The following URM1 variants were observed in gnomAD, a reference collection of about 807,000 sequenced individuals.
URM1 encodes the protein ubiquitin related modifier 1, also known as ubiquitin-related modifier 1.
A neutral mutation model predicts 17.7 loss-of-function variants in URM1; 11 were observed. That is an observed-to-expected ratio of 0.62 (90% CI 0.39 to 1.03). The LOEUF (loss-of-function observed/expected upper bound fraction) is 1.03, where lower values mean the gene tolerates loss of function less well. Among genes scored for constraint, URM1 ranks in the 50% least tolerant of loss-of-function variants. The pLI is 0.00. For missense variants in URM1, 128 were observed against 129.2 expected (o/e 0.99, Z 0.04); for synonymous variants, 48 against 50.6 (o/e 0.95, Z 0.22).
chr9:128,371,403 A>T lies in URM1; in HGVS notation c.23A>T (p.Glu8Val). 1 of 1,612,600 alleles carries T rather than the reference A, an allele frequency of 6.2e-7. No homozygotes were observed. Among genetic ancestry groups the T allele is most frequent in the African/African-American group, 1.3e-5 (1 of 74,892 alleles). ...AACATGGCTGCGCCCTTGTCAGTGG[A>T]GGTGGAGTTCGGGTGAGTCACAGAG... MAAPLSV[E>V]VEFGGGAELL... Residue 8 changes from glutamate (E) to valine (V), a missense_variant, in exon 1 of 5, where the codon GAG becomes GTG. By Grantham distance (121) the Glu-to-Val change is moderately radical (BLOSUM62 -2). Transcript: ENST00000372853.
At chr9:128,374,486 G>A (rs997531808) in intron 1 of URM1, among the ~76,000 whole-genome samples, 40 of 138,374 alleles carry the variant, frequency 2.9e-4, no homozygotes, top group African/African-American at 1.1e-3. Context: ...AGGAGAAAAC[G>A]AGGCTCTTGG....
chr9:128,378,222 C>G lies in URM1; in HGVS notation c.106+116C>G, dbSNP rs1588580330. 1.4e-5 allele frequency: 10 copies of G among 706,170 alleles called. No individual in the cohort carries two copies. In the Middle Eastern group the frequency reaches 1.0e-3, roughly 71 times the overall value. 43.7% of individuals were successfully genotyped at this position (706,170 alleles called of 1,614,324 possible). On this transcript the variant is annotated intron_variant, in intron 2 of 4. Transcript: ENST00000372853. ...TGCATCCGTGTGCTAAGCTGCCTCT[C>G]TAGCAGGCAGAGGAATAAAAACAAG...
At chr9:128,386,696 C>G (rs1833231912) in intron 2 of URM1, among the ~76,000 whole-genome samples, 1 of 152,248 alleles carries the variant, frequency 6.6e-6, no homozygotes, top group African/African-American at 2.4e-5. Flanking sequence ...TCCTAGCCAC[C>G]TTTCCCTTGC....
At chr9:128,379,905 G>A (rs982491016) in intron 2 of URM1, among the ~76,000 whole-genome samples, 2 of 152,122 alleles carry the variant, frequency 1.3e-5, no homozygotes, top group Non-Finnish European at 2.9e-5. Context: ...CTGAGCCCAG[G>A]AGTTTGAGAC....
Position 128,371,786 on chromosome 9 carries a change from C to T in URM1, c.35+371C>T, listed in dbSNP as rs1325555494. The stretch of plus-strand genomic sequence containing the variant: ...AGAACCTAGAAGGACCACCCTCCAC[C>T]CGCTGATTTCATTCTTTGGGCAGCA... On this transcript the variant is annotated intron_variant, in intron 1 of 4. Transcript: ENST00000372853. Among the ~76,000 whole-genome samples, 4 of 152,220 alleles carry T rather than the reference C, an allele frequency of 2.6e-5. No homozygotes were observed. The East Asian group carries it at 5.8e-4, about 22-fold the overall frequency.
chr9:128,374,178 C>T (rs552369181), intron 1 of URM1, among the ~76,000 whole-genome samples: 6 of 152,328 alleles, frequency 3.9e-5, no homozygotes, highest in African/African-American at 1.4e-4. Flanking sequence ...GCTGGGCATG[C>T]ACCTTCCCCC....
At chr9:128,377,040 G>A (rs969781252) in intron 1 of URM1, among the ~76,000 whole-genome samples, 41 of 152,106 alleles carry the variant, frequency 2.7e-4, no homozygotes, top group African/African-American at 9.7e-4. Context: ...TAATTACATA[G>A]AGACAGGGTC....
chr9:128,379,332 T>C (rs1003208732), intron 2 of URM1, among the ~76,000 whole-genome samples: 1 of 147,400 alleles, frequency 6.8e-6, no homozygotes, highest in Non-Finnish European at 1.5e-5. Flanking sequence ...GTACAAAAAT[T>C]AGCTGGCGCA....
chr9:128,388,791 G>A (rs769828968), intron 3 of URM1: 9 of 988,936 alleles, frequency 9.1e-6, no homozygotes, highest in Non-Finnish European at 1.1e-5. Flanking sequence ...CTCCAGGATG[G>A]GCATGCAGAG....
chr9:128,381,888 T>C (rs1833164068), intron 2 of URM1, among the ~76,000 whole-genome samples: 1 of 152,238 alleles, frequency 6.6e-6, no homozygotes, highest in African/African-American at 2.4e-5. Flanking sequence ...TCTAACATCT[T>C]ACATTTTCCA....
chr9:128,380,190 C>T (rs924550877), intron 2 of URM1, among the ~76,000 whole-genome samples: 1 of 152,122 alleles, frequency 6.6e-6, no homozygotes, highest in African/African-American at 2.4e-5. Flanking sequence ...TGGCAGGATT[C>T]TTCTGGAACT....
chr9:128,387,979 CCTT>C lies in URM1; in HGVS notation c.188+85_188+87del. On this transcript the variant is annotated intron_variant, in intron 3 of 4. Transcript: ENST00000372853. This position sits in a 1 kb window ranked among gnomAD's most constrained non-coding sequence, Gnocchi z 4.3. ...CCCCCACCCTCGGGTTCAGTCCTGG[CCTT>C]CTCTGAATCCGGTTCTCCCCTTCCT... 1 of 1,569,388 alleles carries C rather than the reference CCTT, an allele frequency of 6.4e-7. No individual in the cohort carries two copies.
At chr9:128,378,567 A>C (rs533396962) in intron 2 of URM1, among the ~76,000 whole-genome samples, 119 of 149,264 alleles carry the variant, frequency 8.0e-4, no homozygotes, top group African/African-American at 3.0e-3. Flanking sequence ...AAAAAAAAAA[A>C]AAAAACTTGT....
At chr9:128,385,226 A>G (rs1311185304) in intron 2 of URM1, among the ~76,000 whole-genome samples, 1 of 152,036 alleles carries the variant, frequency 6.6e-6, no homozygotes, top group Non-Finnish European at 1.5e-5. Flanking sequence ...TCTGTCCAGA[A>G]TGCTCCCCAC....
chr9:128,375,789 G>A (rs555153026), intron 1 of URM1, among the ~76,000 whole-genome samples: 4 of 151,914 alleles, frequency 2.6e-5, no homozygotes, highest in African/African-American at 9.7e-5. Flanking sequence ...TGAACTCCTG[G>A]ACTTAAGCAA....
chr9:128,386,957 G>T (rs1436172252), intron 2 of URM1, among the ~76,000 whole-genome samples: 1 of 152,232 alleles, frequency 6.6e-6, no homozygotes, highest in Non-Finnish European at 1.5e-5. Flanking sequence ...CCTGTTTCGG[G>T]GGCGGACAGT....
rs546810867 is a variant in URM1, at chr9:128,371,422, C to A, written c.35+7C>A. On this transcript the variant is annotated splice_region_variant and intron_variant, in intron 1 of 4. Transcript: ENST00000372853. ...CAGTGGAGGTGGAGTTCGGGTGAGT[C>A]ACAGAGCTGGGGCGCCGTGGGGATG... 1.9e-5 allele frequency: 30 copies of A among 1,612,630 alleles called. No individual in the cohort carries two copies. The highest frequency in any genetic ancestry group is 2.5e-5 in the Non-Finnish European group (30 of 1,179,098).
chr9:128,380,887 C>T (rs1385225304), intron 2 of URM1, among the ~76,000 whole-genome samples: 3 of 152,110 alleles, frequency 2.0e-5, no homozygotes, highest in Admixed American at 6.5e-5. Flanking sequence ...TGCAGTGGCG[C>T]GATCTTGGCT....
Position 128,389,781 on chromosome 9 carries a change from A to G in URM1, c.*47A>G, listed in dbSNP as rs372210741. ...CACCCTTAGAGGGGAGAACGAAGCA[A>G]TCAGACATCCCCTTGGGCCCTGCTT... is the stretch of plus-strand genomic sequence containing the variant. On this transcript the variant is annotated 3_prime_UTR_variant, in exon 5 of 5. Transcript: ENST00000372853. 5.7e-5 allele frequency: 92 copies of G among 1,611,968 alleles called. No individual in the cohort carries two copies. Among genetic ancestry groups the G allele is most frequent in the Middle Eastern group, 4.9e-4 (3 of 6,068 alleles).
Sources: gnomAD v4.1 joint callset for allele counts (sites outside exome capture counted in the v4.1 genomes callset) on GRCh38, gnomAD v4.1.1 for gene constraint, Gnocchi (gnomAD v3.1) non-coding constraint, MANE v1.5 for transcripts, NCBI Gene and HGNC (gene_info 2026-07-23, HGNC 2026-07-21) for gene names.